MTRR: variants seen among roughly 807,000 people sequenced by gnomAD.
MTRR encodes the protein 5-methyltetrahydrofolate-homocysteine methyltransferase reductase.
MTRR carries 63 observed loss-of-function variants against 79.2 expected under a neutral mutation model. The observed-to-expected ratio is 0.80, with a 90% CI of 0.65 to 0.98. The LOEUF is 0.98. MTRR is among the 50% of genes least tolerant of loss of function. The pLI, the probability that MTRR is intolerant of heterozygous loss-of-function variation, is 0.00. For missense variants in MTRR, 895 were observed against 839.6 expected, an observed-to-expected ratio of 1.07 and a Z score of -0.82; for synonymous variants, 355 against 313.3, an observed-to-expected ratio of 1.13 and a Z score of -1.41.
intron 5 of MTRR, among the ~76,000 whole-genome samples, chr5:7,880,685 ACTT>A (rs553933721): frequency 9.7e-4 from 148 of 152,212 alleles, no homozygotes; most frequent in African/African-American, 3.4e-3. Context: ...AAATTCAGAG[ACTT>A]CTTCTTGGCC....
At chr5:7,873,311 GC>G (rs1748319088) in intron 2 of MTRR, 61 bp from the exon 3 acceptor site, 1 of 1,596,198 alleles carries the variant, frequency 6.3e-7, no homozygotes, top group East Asian at 2.2e-5. Flanking sequence ...TTGCTTTGCT[GC>G]TGAGTTAAAT....
At chr5:7,890,186 C>T in intron 9 of MTRR, 2 of 870,996 alleles carry the variant, frequency 2.3e-6, no homozygotes, top group Non-Finnish European at 2.8e-6. Flanking sequence ...CCAGCAAGAT[C>T]CTTTTCGATG....
intron 3 of MTRR, among the ~76,000 whole-genome samples, chr5:7,874,304 A>G (rs1010894290): frequency 3.9e-5 from 6 of 152,190 alleles, no homozygotes; most frequent in Non-Finnish European, 8.8e-5. Context: ...TATAATAAAT[A>G]ACTGATTAGA....
At chr5:7,876,176 G>A (rs1422892318) in intron 4 of MTRR, among the ~76,000 whole-genome samples, 4 of 202 alleles carry the variant, frequency 0.02, no homozygotes, top group Non-Finnish European at 0.033. Flanking sequence ...TATTTCTGCT[G>A]AACTCACCCT....
chr5:7,892,305 T>C (rs1242726246), intron 10 of MTRR, among the ~76,000 whole-genome samples: 1 of 152,242 alleles, frequency 6.6e-6, no homozygotes, highest in Non-Finnish European at 1.5e-5. Flanking sequence ...TTTGAATTTT[T>C]AGTTTTCTCC....
At chr5:7,881,420 C>G (rs915120916) in intron 5 of MTRR, among the ~76,000 whole-genome samples, 1 of 151,992 alleles carries the variant, frequency 6.6e-6, no homozygotes, top group African/African-American at 2.4e-5. Flanking sequence ...GAGGTCCTTA[C>G]ACCATCCAGA....
intron 5 of MTRR, among the ~76,000 whole-genome samples, chr5:7,881,924 G>A (rs1735661994): frequency 6.6e-6 from 1 of 152,204 alleles, no homozygotes. Context: ...CTGTGTGCCA[G>A]TGCCGTCTGT....
rs2126663415 is a variant in MTRR at position 7,873,470 on chromosome 5, T to TA, written c.228dup (p.Gln77ThrfsTer8). On this transcript the variant is annotated frameshift_variant, in exon 3 of 15. Coordinates refer to ENST00000440940, the MANE Select transcript of MTRR (RefSeq NM_002454.3). LOFTEE classifies it high-confidence loss of function. Reference sequence around the variant, plus strand: ...ACAGCCCGCAAGTTTGTTAAGGAAATACAGAACCAAACACTGCCGGTTGAT... The same window carrying TA: ...ACAGCCCGCAAGTTTGTTAAGGAAATAACAGAACCAAACACTGCCGGTTGAT... 3.7e-6 allele frequency: 6 copies of TA among 1,614,100 alleles called. No individual in the cohort carries two copies. Among genetic ancestry groups the TA allele is most frequent in the Non-Finnish European group, 4.2e-6 (5 of 1,180,012 alleles).
At chr5:7,873,222 G>A (rs1172302212) in intron 2 of MTRR, 151 bp from the exon 3 acceptor site, 2 of 874,464 alleles carry the variant, frequency 2.3e-6, no homozygotes, top group Non-Finnish European at 3.8e-6. Flanking sequence ...TAAGCTGAGA[G>A]CGCCTAGTCA....
intron 2 of MTRR, 26 bp downstream of exon 2, chr5:7,870,949 C>T (rs1290595346): frequency 6.2e-7 from 1 of 1,613,930 alleles, no homozygotes; most frequent in Admixed American, 1.7e-5. Flanking sequence ...GTGGATTTTA[C>T]CGTTTTGTGC....
chr5:7,870,356 T>C, intron 1 of MTRR: 1 of 246,380 alleles, frequency 4.1e-6, no homozygotes, highest in Non-Finnish European at 8.0e-6. Flanking sequence ...TTTAAGACTG[T>C]TGTGAATGAT....
intron 1 of MTRR, chr5:7,859,494 C>G (rs748777405): frequency 2.8e-5 from 45 of 1,606,584 alleles, no homozygotes; most frequent in Non-Finnish European, 3.8e-5. Context: ...AAATATTCCA[C>G]CAATTCACGT....
Position 7,861,934 on chromosome 5 carries a change from C to T in MTRR, n.392-17C>T, listed in dbSNP as rs182454086. ...ATGACAAGAACCATGCATGCTTTCTCTTTCCCCTTATGATAGGTGGCAGAG... is the reference window on the plus strand; with the variant it reads ...ATGACAAGAACCATGCATGCTTTCTTTTTCCCCTTATGATAGGTGGCAGAG... On this transcript the variant is annotated splice_polypyrimidine_tract_variant and intron_variant and non_coding_transcript_variant, in intron 1 of 3. Transcript: ENST00000502509. 2.0e-5 allele frequency: 6 copies of T among 304,692 alleles called. No individual in the cohort carries two copies. The Admixed American group carries it at 2.2e-4, about 11-fold the overall frequency. The allele number at this position is 304,692 out of a possible 1,614,324, so 18.9% of individuals were successfully genotyped here.
chr5:7,884,462 AG>A (rs1736091114), intron 6 of MTRR, among the ~76,000 whole-genome samples: 1 of 152,206 alleles, frequency 6.6e-6, no homozygotes, highest in Non-Finnish European at 1.5e-5. Context: ...ACACCACGTA[AG>A]TAGTTGCTAT....
At chr5:7,861,763 T>C in intron 1 of MTRR, 2 of 1,469,340 alleles carry the variant, frequency 1.4e-6, no homozygotes, top group Admixed American at 4.5e-5. Flanking sequence ...ATTGATCAAT[T>C]GGACTGAAGG....
intron 1 of MTRR, chr5:7,859,533 A>AG: frequency 6.3e-7 from 1 of 1,584,832 alleles, no homozygotes; most frequent in Non-Finnish European, 8.6e-7. Context: ...ATCTCATGAT[A>AG]GGGGATCTGT....
At position 7,877,909 on chromosome 5, in the gene MTRR, ATTTGTTTTGTTTTTCG is replaced by A. The variant is rs1222913131; in HGVS notation, c.402-26_402-11del. On this transcript the variant is annotated intron_variant, in intron 4 of 14. Transcript: ENST00000440940. ...CTGTGTTCAGATGGAGAACTTAGGCATTTGTTTTGTTTTTCGTTTGTTTTTACTGTCCAGTTTAGAA... is the reference window on the plus strand; with the variant it reads ...CTGTGTTCAGATGGAGAACTTAGGCATTTGTTTTTACTGTCCAGTTTAGAA... 6.2e-7 allele frequency: 1 copy of A among 1,607,082 alleles called. No individual in the cohort carries two copies. Among genetic ancestry groups the A allele is most frequent in the African/African-American group, 1.3e-5 (1 of 74,784 alleles).
chr5:7,872,351 G>A, intron 2 of MTRR: 1 of 356,698 alleles, frequency 2.8e-6, no homozygotes, highest in Non-Finnish European at 5.4e-6. Flanking sequence ...ATTTACACGA[G>A]AGTAAGAATA....
At chr5:7,857,034 A>G (rs1161776928) in intron 1 of MTRR, 2 of 152,022 alleles carry the variant, frequency 1.3e-5, no homozygotes, top group Non-Finnish European at 2.9e-5. Context: ...TCTAGTTTCA[A>G]CTGCTGCAGC....
Sources: allele counts gnomAD v4.1 joint callset (sites outside exome capture counted in the v4.1 genomes callset), GRCh38; gene constraint gnomAD v4.1.1; transcripts MANE v1.5; gene names NCBI Gene and HGNC (gene_info 2026-07-23, HGNC 2026-07-21).